Variants in GNAQ observed in about 807,000 individuals in gnomAD.
GNAQ encodes G protein subunit alpha q, also known as guanine nucleotide-binding protein G(q) subunit alpha.
GNAQ carries 8 observed loss-of-function variants against 43.9 expected under a neutral mutation model. The ratio of observed to expected loss-of-function variants is 0.18; its 90% CI spans 0.11 to 0.33. GNAQ has a LOEUF of 0.33. Among genes scored for constraint, GNAQ ranks in the 10% least tolerant of loss-of-function variants. GNAQ has a pLI of 1.00. For missense variants in GNAQ, 158 were observed against 450.8 expected, an observed-to-expected ratio of 0.35 and a Z score of 5.88; for synonymous variants, 155 against 170.7, an observed-to-expected ratio of 0.91 and a Z score of 0.71.
chr9:77,962,145 AAGAC>A (rs766648038), intron 1 of GNAQ, among the ~76,000 whole-genome samples: 2 of 152,220 alleles, frequency 1.3e-5, no homozygotes, highest in Non-Finnish European at 2.9e-5. Context: ...AAGGGAAAAA[AAGAC>A]AGAAAAAAAC....
At chr9:77,802,035 T>C (rs970424293) in intron 3 of GNAQ, among the ~76,000 whole-genome samples, 13 of 152,148 alleles carry the variant, frequency 8.5e-5, no homozygotes, top group Admixed American at 6.5e-4. Flanking sequence ...GGTGTGGTGA[T>C]GCATACCTGA....
At chr9:77,950,697 A>G (rs1376864970) in intron 1 of GNAQ, among the ~76,000 whole-genome samples, 1 of 152,214 alleles carries the variant, frequency 6.6e-6, no homozygotes, top group Non-Finnish European at 1.5e-5. Context: ...GTTTTTCACT[A>G]AACACTTTTT....
chr9:77,994,295 C>T (rs1401534612), intron 1 of GNAQ, among the ~76,000 whole-genome samples: 1 of 152,216 alleles, frequency 6.6e-6, no homozygotes, highest in Admixed American at 6.5e-5. Context: ...CCACCTTGGC[C>T]TCCCAAAGTG....
chr9:77,879,146 T>C (rs971152141), intron 2 of GNAQ, among the ~76,000 whole-genome samples: 12 of 152,006 alleles, frequency 7.9e-5, no homozygotes, highest in Non-Finnish European at 1.5e-4. Flanking sequence ...ATCTGAAAAA[T>C]AGAAAAAAAT....
chr9:77,871,792 C>T (rs1587377724), intron 2 of GNAQ, among the ~76,000 whole-genome samples: 1 of 152,106 alleles, frequency 6.6e-6, no homozygotes, highest in African/African-American at 2.4e-5. Flanking sequence ...CCTAAGTGGA[C>T]AAGTGGCATA....
chr9:77,970,883 C>G (rs992388130), intron 1 of GNAQ, among the ~76,000 whole-genome samples: 1 of 150,404 alleles, frequency 6.6e-6, no homozygotes, highest in African/African-American at 2.4e-5. Context: ...ACAAAATAGA[C>G]CCCTAATAAA....
intron 1 of GNAQ, among the ~76,000 whole-genome samples, chr9:78,004,046 A>G (rs1823676247): frequency 6.6e-6 from 1 of 152,086 alleles, no homozygotes. Flanking sequence ...CAATTACAAG[A>G]TGGGGCTGAA....
At chr9:77,872,204 G>A (rs1250049740) in intron 2 of GNAQ, among the ~76,000 whole-genome samples, 5 of 152,182 alleles carry the variant, frequency 3.3e-5, no homozygotes, top group African/African-American at 1.2e-4. Context: ...AATATGCAGT[G>A]CAAATGTATT....
intron 5 of GNAQ, among the ~76,000 whole-genome samples, chr9:77,766,616 A>G (rs2118357464): frequency 6.6e-6 from 1 of 151,424 alleles, no homozygotes; most frequent in East Asian, 2.0e-4. Context: ...TGGGCTCAAC[A>G]CCGGGGCAGG....
intron 2 of GNAQ, among the ~76,000 whole-genome samples, chr9:77,909,726 G>C (rs1390478472): frequency 6.6e-6 from 1 of 150,892 alleles, no homozygotes; most frequent in Admixed American, 6.6e-5. Context: ...CTTACAAAGT[G>C]GTAGCAACAA....
At chr9:77,963,959 G>C (rs1271402253) in intron 1 of GNAQ, among the ~76,000 whole-genome samples, 1 of 152,112 alleles carries the variant, frequency 6.6e-6, no homozygotes, top group Non-Finnish European at 1.5e-5. Flanking sequence ...AGACTGCCTT[G>C]ACATGGTTAA....
At chr9:77,841,165 T>G (rs1032679401) in intron 2 of GNAQ, among the ~76,000 whole-genome samples, 1 of 151,802 alleles carries the variant, frequency 6.6e-6, no homozygotes, top group African/African-American at 2.4e-5. Context: ...ATTTTCGTAA[T>G]ATTTTCTGCC....
chr9:77,730,853 C>G (rs1825477044), intron 5 of GNAQ, among the ~76,000 whole-genome samples: 2 of 151,922 alleles, frequency 1.3e-5, no homozygotes, highest in Non-Finnish European at 2.9e-5. Flanking sequence ...CTGAATGTTT[C>G]AGGACTGAAG....
intron 2 of GNAQ, among the ~76,000 whole-genome samples, chr9:77,911,274 A>G (rs1166991393): frequency 1.3e-5 from 2 of 152,192 alleles, no homozygotes; most frequent in Non-Finnish European, 2.9e-5. Context: ...CAATTTAGAG[A>G]TAATGCTGGA....
intron 3 of GNAQ, among the ~76,000 whole-genome samples, chr9:77,815,308 G>A (rs1047574952): frequency 2.6e-5 from 4 of 152,198 alleles, no homozygotes; most frequent in African/African-American, 9.7e-5. Context: ...AATGGCATAT[G>A]TGAGAATTGC....
intron 6 of GNAQ, among the ~76,000 whole-genome samples, chr9:77,723,169 T>C (rs1212819904): frequency 6.6e-6 from 1 of 152,212 alleles, no homozygotes; most frequent in Non-Finnish European, 1.5e-5. Context: ...ATAATGGTAA[T>C]CATTTAGAAA....
intron 1 of GNAQ, among the ~76,000 whole-genome samples, chr9:77,925,140 C>G (rs986006072): frequency 6.6e-6 from 1 of 152,048 alleles, no homozygotes; most frequent in South Asian, 2.1e-4. Context: ...GGTTACTGCA[C>G]CAGCTCTTAC....
chr9:77,822,710 A>T (rs374096953), intron 2 of GNAQ, among the ~76,000 whole-genome samples: 8 of 152,116 alleles, frequency 5.3e-5, no homozygotes, highest in African/African-American at 1.9e-4. Context: ...ATCCCATGTG[A>T]AATCTGACCA....
intron 5 of GNAQ, among the ~76,000 whole-genome samples, chr9:77,728,973 C>T (rs1020005945): frequency 6.6e-6 from 1 of 152,170 alleles, no homozygotes; most frequent in Non-Finnish European, 1.5e-5. Context: ...ATCTGGAACA[C>T]TGTCATAAAT....
Sources: gnomAD v4.1 joint callset for allele counts (sites outside exome capture counted in the v4.1 genomes callset) on GRCh38, gnomAD v4.1.1 for gene constraint, MANE v1.5 for transcripts, NCBI Gene and HGNC (gene_info 2026-07-23, HGNC 2026-07-21) for gene names.